EEF1AKMT4: variants seen among roughly 807,000 people sequenced by gnomAD.
The protein encoded by EEF1AKMT4 is EEF1A lysine methyltransferase 4.
In EEF1AKMT4, 17 loss-of-function variants were observed where a neutral mutation model predicts 23.0. The ratio of observed to expected loss-of-function variants is 0.74; its 90% CI spans 0.51 to 1.11. The LOEUF is 1.11. Ranked by LOEUF, EEF1AKMT4 falls within the 50% of genes least tolerant of loss-of-function variation. The pLI, the probability that EEF1AKMT4 is intolerant of heterozygous loss-of-function variation, is 0.00. For synonymous variants in EEF1AKMT4, 140 were observed against 141.4 expected, an observed-to-expected ratio of 0.99 and a Z score of 0.07; for missense variants, 318 against 333.4, an observed-to-expected ratio of 0.95 and a Z score of 0.36.
chr3:184,258,048 T>A (rs1353254490), intron 2 of EEF1AKMT4, among the ~76,000 whole-genome samples: 1 of 152,122 alleles, frequency 6.6e-6, no homozygotes, highest in Non-Finnish European at 1.5e-5. Context: ...TGAGCAGTTA[T>A]AGGAAAGTGG....
chr3:184,253,670 C>CTT (rs34648193), intron 1 of EEF1AKMT4, among the ~76,000 whole-genome samples: 17 of 138,714 alleles, frequency 1.2e-4, no homozygotes, highest in Non-Finnish European at 2.5e-4. Context: ...ATAATAGTGT[C>CTT]TTTTTTTTTT....
intron 1 of EEF1AKMT4, 46 bp downstream of exon 1, chr3:184,249,936 G>C (rs1469812159): frequency 1.3e-6 from 2 of 1,584,698 alleles, no homozygotes; most frequent in South Asian, 1.1e-5. Context: ...TGGCAGGACC[G>C]GCGCCGCATG....
intron 2 of EEF1AKMT4, 98 bp from the exon 3 acceptor site, chr3:184,258,190 G>A: frequency 8.7e-7 from 1 of 1,151,658 alleles, no homozygotes; most frequent in Non-Finnish European, 1.2e-6. Context: ...ATGTGGGGTG[G>A]TTCCTGAGGT....
rs558675843 is a variant in EEF1AKMT4 at position 184,255,770 on chromosome 3, A to T, written c.197-1703A>T. ...AGTTGTCAAGACTCTGTTCTTCAAG[A>T]CTTTGCTTGGTTGTCAGCTCCCCGG... is the stretch of plus-strand genomic sequence containing the variant. On this transcript the variant is annotated intron_variant, in intron 1 of 2. Coordinates refer to ENST00000324557, the MANE Select transcript of EEF1AKMT4 (RefSeq NM_032331.4). Among the ~76,000 whole-genome samples the T allele has an allele frequency of 1.1e-4, 17 of 152,230 alleles. No homozygotes were observed. The South Asian group carries it at 3.5e-3, about 32-fold the overall frequency.
intron 1 of EEF1AKMT4, among the ~76,000 whole-genome samples, chr3:184,254,282 GT>G (rs1256295501): frequency 1.3e-5 from 2 of 151,572 alleles, no homozygotes; most frequent in African/African-American, 4.8e-5. Flanking sequence ...GAATCTTCTT[GT>G]TTTTTTAGAG....
In EEF1AKMT4 at chr3:184,249,685, G is replaced by A; in HGVS notation, c.-10G>A. On this transcript the variant is annotated 5_prime_UTR_variant, in exon 1 of 3. Transcript: ENST00000324557. ...GGGCCGGCGGCTCTGGCTGCCCGGC[G>A]GTTGAGAGCATGGCCTCTCCAGGGG... 1 of 1,583,754 alleles carries A rather than the reference G, an allele frequency of 6.3e-7. No individual in the cohort carries two copies. Among genetic ancestry groups the A allele is most frequent in the Non-Finnish European group, 8.6e-7 (1 of 1,160,028 alleles).
At chr3:184,257,877 C>T in intron 2 of EEF1AKMT4, 121 bp downstream of exon 2, 7 of 1,276,136 alleles carry the variant, frequency 5.5e-6, no homozygotes, top group South Asian at 3.0e-5. Flanking sequence ...GGGTCGCCCT[C>T]AGGAGTGTGG....
Position 184,258,719 on chromosome 3 carries a change from C to T in EEF1AKMT4, c.*144C>T. On this transcript the variant is annotated 3_prime_UTR_variant, in exon 3 of 3. Transcript: ENST00000324557. The stretch of plus-strand genomic sequence containing the variant: ...GCCTAAGATAGAGGGTGGGAGCGAA[C>T]CCACATGAACCAATACAGCCCAGCT... 10 of 1,416,728 alleles carry T rather than the reference C, an allele frequency of 7.1e-6. 1 individual carries two copies. In the South Asian group the frequency reaches 1.6e-4, roughly 23 times the overall value. 87.8% of individuals were successfully genotyped at this position (1,416,728 alleles called of 1,614,324 possible).
intron 1 of EEF1AKMT4, among the ~76,000 whole-genome samples, chr3:184,253,670 CT>C (rs34648193): frequency 0.64 from 89,302 of 138,654 alleles, 28,814 homozygotes; most frequent in Middle Eastern, 0.77. Context: ...ATAATAGTGT[CT>C]TTTTTTTTTT....
At chr3:184,257,868 G>A in intron 2 of EEF1AKMT4, 112 bp downstream of exon 2, 1 of 1,372,642 alleles carries the variant, frequency 7.3e-7, no homozygotes, top group Non-Finnish European at 9.9e-7. Flanking sequence ...GCAAGTAGTG[G>A]GTCGCCCTCA....
In EEF1AKMT4 at chr3:184,249,733, A is replaced by G; in HGVS notation, c.39A>G (p.Leu13=). Residue 13 remains leucine, a synonymous_variant, in exon 1 of 3, where the codon TTA becomes TTG. Coordinates refer to ENST00000324557, the MANE Select transcript of EEF1AKMT4 (RefSeq NM_032331.4). ...GGGCAGGTAGGGCGCCTCCGGAGTT[A>G]CCGGAGCGGAACTGCGGGTACCGCG... is the stretch of plus-strand genomic sequence containing the variant. The part of the protein sequence containing the change: ...SPGAGRAPPE[L]PERNCGYREV... 6.2e-7 allele frequency: 1 copy of G among 1,612,384 alleles called. No homozygotes were observed. The highest frequency in any genetic ancestry group is 1.7e-5 in the Admixed American group (1 of 60,018).
chr3:184,254,691 A>C lies in EEF1AKMT4; in HGVS notation c.197-2782A>C, dbSNP rs989059441. Among the ~76,000 whole-genome samples, 15 of 152,244 alleles carry C rather than the reference A, an allele frequency of 9.9e-5. No homozygotes were observed. In the East Asian group the frequency reaches 1.7e-3, roughly 18 times the overall value. On this transcript the variant is annotated intron_variant, in intron 1 of 2. Transcript: ENST00000324557. ...TCAAGACTCCGTCTCAAAAAAAAAA[A>C]AACTTAATTTGGAATCAATTTGACT...
rs567387311 is a variant in EEF1AKMT4 at position 184,254,449 on chromosome 3, A to G, written c.197-3024A>G. Among the ~76,000 whole-genome samples, 77 of 151,890 alleles carry G rather than the reference A, an allele frequency of 5.1e-4. 1 individual carries two copies. The highest frequency in any genetic ancestry group is 4.9e-3 in the Admixed American group (75 of 15,234). On this transcript the variant is annotated intron_variant, in intron 1 of 2. Coordinates refer to ENST00000324557, the MANE Select transcript of EEF1AKMT4 (RefSeq NM_032331.4). ...GCCGGGTGCGGTGGCTCATGCCTGT[A>G]ATCCCAGCACTTCGAGAGGCGGAGG...
At chr3:184,255,381 G>A (rs1719755204) in intron 1 of EEF1AKMT4, among the ~76,000 whole-genome samples, 1 of 152,288 alleles carries the variant, frequency 6.6e-6, no homozygotes. Flanking sequence ...CATGGGAAGG[G>A]GCAGCTGGGG....
At chr3:184,254,854 G>A (rs1719727712) in intron 1 of EEF1AKMT4, among the ~76,000 whole-genome samples, 1 of 152,082 alleles carries the variant, frequency 6.6e-6, no homozygotes, top group African/African-American at 2.4e-5. Context: ...TGTTGAGTTA[G>A]GATCCACTCA....
In EEF1AKMT4 at chr3:184,249,836, T is replaced by C. The variant is rs373467558; in HGVS notation, c.142T>C (p.Phe48Leu). ...CGATTGGTTCGGGGACTTCTCCTCC[T>C]TCCGTGCCCTCCTAGAGCCGGAGCT... is the stretch of plus-strand genomic sequence containing the variant. ...PYDWFGDFSSFRALLEPELRP... is the reference protein window; with the variant it reads ...PYDWFGDFSSLRALLEPELRP... Residue 48 changes from phenylalanine (F) to leucine (L), a missense_variant, in exon 1 of 3, where the codon TTC (phenylalanine) becomes CTC (leucine). Coordinates refer to ENST00000324557, the MANE Select transcript of EEF1AKMT4 (RefSeq NM_032331.4). The C allele has an allele frequency of 6.3e-5, 101 of 1,613,230 alleles. No individual in the cohort carries two copies. Among genetic ancestry groups the C allele is most frequent in the Middle Eastern group, 4.9e-4 (3 of 6,062 alleles).
intron 1 of EEF1AKMT4, among the ~76,000 whole-genome samples, chr3:184,251,992 AAC>A (rs1719577290): frequency 6.6e-6 from 1 of 152,194 alleles, no homozygotes; most frequent in South Asian, 2.1e-4. Context: ...CCCACAAGTA[AAC>A]ACTTTCTTGA....
intron 1 of EEF1AKMT4, among the ~76,000 whole-genome samples, chr3:184,252,881 AG>A (rs1485478814): frequency 3.7e-5 from 5 of 133,946 alleles, no homozygotes; most frequent in African/African-American, 1.4e-4. Flanking sequence ...AGGGAGGCGG[AG>A]GTTGCAGTGA....
In EEF1AKMT4 at chr3:184,258,679, T is replaced by A. The variant is rs372294061; in HGVS notation, c.*104T>A. 2 of 1,487,596 alleles carry A rather than the reference T, an allele frequency of 1.3e-6. No homozygotes were observed. The highest frequency in any genetic ancestry group is 2.3e-5 in the East Asian group (1 of 42,876). The allele number at this position is 1,487,596 out of a possible 1,614,324, so 92.1% of individuals were successfully genotyped here. ...TGGGGTTGGGTCCAAGGTGCTTACATCCCAGGGGCCTCATGCCTAAGATAG... is the reference window on the plus strand; with the variant it reads ...TGGGGTTGGGTCCAAGGTGCTTACAACCCAGGGGCCTCATGCCTAAGATAG... On this transcript the variant is annotated 3_prime_UTR_variant, in exon 3 of 3. Transcript: ENST00000324557.
Sources: allele counts gnomAD v4.1 joint callset (sites outside exome capture counted in the v4.1 genomes callset), GRCh38; gene constraint gnomAD v4.1.1; transcripts MANE v1.5; gene names NCBI Gene and HGNC (gene_info 2026-07-23, HGNC 2026-07-21).